DLGAP2: variants seen among roughly 807,000 people sequenced by gnomAD.
DLGAP2 encodes the protein disks large-associated protein 2.
In DLGAP2, 26 loss-of-function variants were observed where a neutral mutation model predicts 100.3. The observed-to-expected ratio is 0.26, with a 90% CI of 0.19 to 0.36. DLGAP2 has a LOEUF of 0.36. Ranked by LOEUF, DLGAP2 falls within the 10% of genes least tolerant of loss-of-function variation. DLGAP2 has a pLI of 1.00. For synonymous variants in DLGAP2, 886 were observed against 630.1 expected, an observed-to-expected ratio of 1.41 and a Z score of -6.08; for missense variants, 1,858 against 1,453.2, an observed-to-expected ratio of 1.28 and a Z score of -4.53.
chr8:1,029,505 G>C (rs1014460260), intron 2 of DLGAP2, among the ~76,000 whole-genome samples: 1 of 152,052 alleles, frequency 6.6e-6, no homozygotes, highest in Non-Finnish European at 1.5e-5. Flanking sequence ...GGCCAAGGGC[G>C]TCCAGCGGTG....
At chr8:1,680,671 G>A (rs895999504) in intron 12 of DLGAP2, 6 of 152,248 alleles carry the variant, frequency 3.9e-5, no homozygotes, top group Non-Finnish European at 5.9e-5. Flanking sequence ...TTCACACGGC[G>A]TTTGCATTTC....
chr8:752,463 G>C (rs1820815616), intron 1 of DLGAP2, among the ~76,000 whole-genome samples: 1 of 152,222 alleles, frequency 6.6e-6, no homozygotes, highest in African/African-American at 2.4e-5. Context: ...GCCAATCTCG[G>C]TCGTGCCGCC....
At chr8:1,466,700 A>G (rs1276767791) in intron 3 of DLGAP2, among the ~76,000 whole-genome samples, 3 of 152,178 alleles carry the variant, frequency 2.0e-5, no homozygotes, top group Admixed American at 2.0e-4. Context: ...TGTTAGATAC[A>G]GAGGCTGTGT....
At chr8:1,645,548 T>C (rs1798021592) in intron 8 of DLGAP2, among the ~76,000 whole-genome samples, 1 of 152,218 alleles carries the variant, frequency 6.6e-6, no homozygotes. Flanking sequence ...ATATTTATTT[T>C]TTCCCTGTAA....
At position 861,317 on chromosome 8, in the gene DLGAP2, G is replaced by A. The variant is rs549401292; in HGVS notation, c.19-46595G>A. 6.6e-5 allele frequency among the ~76,000 whole-genome samples: 10 copies of A among 152,194 alleles called. No homozygotes were observed. The South Asian group carries it at 1.9e-3, about 28-fold the overall frequency. On this transcript the variant is annotated intron_variant, in intron 1 of 14. Transcript: ENST00000637795. ...ACAGACACTGCCCCTTTTTATATAAGGGACTTGAGCATTTGTGGAGTTTGG... is the reference window on the plus strand; with the variant it reads ...ACAGACACTGCCCCTTTTTATATAAAGGACTTGAGCATTTGTGGAGTTTGG...
intron 8 of DLGAP2, among the ~76,000 whole-genome samples, chr8:1,635,613 GA>G (rs1797748109): frequency 6.6e-6 from 1 of 152,068 alleles, no homozygotes. Context: ...AGTTATTTTT[GA>G]AAACATTCCA....
intron 3 of DLGAP2, among the ~76,000 whole-genome samples, chr8:1,356,483 T>C (rs1801854023): frequency 6.6e-6 from 1 of 152,188 alleles, no homozygotes; most frequent in Admixed American, 6.5e-5. Flanking sequence ...CTGCGGACTC[T>C]GGGTCCTGGT....
chr8:1,627,070 A>G lies in DLGAP2; in HGVS notation c.1590+183A>G, dbSNP rs562984147. Among the ~76,000 whole-genome samples, 325 of 152,330 alleles carry G rather than the reference A, an allele frequency of 2.1e-3. 2 individuals carry two copies. The highest frequency in any genetic ancestry group is 7.3e-3 in the African/African-American group (303 of 41,570). On this transcript the variant is annotated intron_variant, in intron 7 of 14. Coordinates refer to ENST00000637795, the MANE Select transcript of DLGAP2 (RefSeq NM_001346810.2). ...TGATTAGACTCGTGGACTTACTGTT[A>G]TATTTTTGACGTGTATAACTCCATA...
At chr8:1,291,237 G>GA (rs1206076461) in intron 3 of DLGAP2, among the ~76,000 whole-genome samples, 1 of 152,140 alleles carries the variant, frequency 6.6e-6, no homozygotes. Flanking sequence ...AGAATGGATG[G>GA]AAAATCACAA....
At chr8:1,283,569 C>T (rs1799864186) in intron 3 of DLGAP2, among the ~76,000 whole-genome samples, 1 of 152,180 alleles carries the variant, frequency 6.6e-6, no homozygotes, top group Non-Finnish European at 1.5e-5. Context: ...GTTATAATTT[C>T]CAGTTTTCTA....
At position 771,088 on chromosome 8, in the gene DLGAP2, C is replaced by G. The variant is rs192503395; in HGVS notation, c.18+33263C>G. Among the ~76,000 whole-genome samples, 558 of 152,208 alleles carry G rather than the reference C, an allele frequency of 3.7e-3. 4 individuals carry two copies. Among genetic ancestry groups the G allele is most frequent in the Non-Finnish European group, 5.8e-3 (395 of 68,002 alleles). ...CATTTCGTGAAGTTGTGACAGGTCC[C>G]TTGGTCCTCCTGTGCTGGGGTCAGA... On this transcript the variant is annotated intron_variant, in intron 1 of 14. Coordinates refer to ENST00000637795, the MANE Select transcript of DLGAP2 (RefSeq NM_001346810.2).
intron 2 of DLGAP2, chr8:1,246,898 C>CTGGCAAGACCTTTGAGAT (rs1798915164): frequency 1.5e-5 from 2 of 131,634 alleles, no homozygotes; most frequent in Non-Finnish European, 3.1e-5. Context: ...ATGTTGGTGT[C>CTGGCAAGACCTTTGAGAT]CAGCAAGACC....
chr8:894,066 G>A (rs1222401779), intron 1 of DLGAP2, among the ~76,000 whole-genome samples: 5 of 152,118 alleles, frequency 3.3e-5, no homozygotes, highest in East Asian at 1.9e-4. Context: ...TCTTCCCCTC[G>A]TGCGTGAGAC....
At chr8:1,521,990 CTT>C (rs1800616549) in intron 4 of DLGAP2, among the ~76,000 whole-genome samples, 1 of 145,446 alleles carries the variant, frequency 6.9e-6, no homozygotes, top group Non-Finnish European at 1.5e-5. Context: ...GGTTTGCACA[CTT>C]GTTTTAATTT....
At chr8:827,372 C>T (rs941380024) in intron 1 of DLGAP2, among the ~76,000 whole-genome samples, 2 of 152,132 alleles carry the variant, frequency 1.3e-5, no homozygotes, top group African/African-American at 2.4e-5. Flanking sequence ...CATGCAAATT[C>T]ATTTAAATGG....
At chr8:1,359,963 T>C (rs1801942627) in intron 3 of DLGAP2, among the ~76,000 whole-genome samples, 1 of 152,082 alleles carries the variant, frequency 6.6e-6, no homozygotes. Context: ...CGTGGACGAG[T>C]CCACGGGTCC....
chr8:1,591,681 C>G (rs1166378399), intron 6 of DLGAP2, among the ~76,000 whole-genome samples: 2 of 152,148 alleles, frequency 1.3e-5, no homozygotes, highest in Non-Finnish European at 2.9e-5. Flanking sequence ...TTGCTCTACC[C>G]AAAGGCATGT....
chr8:1,091,322 A>G (rs1047898019), intron 2 of DLGAP2, among the ~76,000 whole-genome samples: 5 of 152,216 alleles, frequency 3.3e-5, no homozygotes, highest in East Asian at 1.9e-4. Flanking sequence ...AAACTGTACA[A>G]AAATGTTCAG....
At chr8:1,113,667 T>C (rs1805029579) in intron 2 of DLGAP2, among the ~76,000 whole-genome samples, 1 of 152,134 alleles carries the variant, frequency 6.6e-6, no homozygotes, top group African/African-American at 2.4e-5. Flanking sequence ...ACTTCCTCTC[T>C]TTCTGCTTGG....
Sources: allele counts gnomAD v4.1 joint callset (sites outside exome capture counted in the v4.1 genomes callset), GRCh38; gene constraint gnomAD v4.1.1; transcripts MANE v1.5; gene names NCBI Gene and HGNC (gene_info 2026-07-23, HGNC 2026-07-21).